TMTC4: variants seen among roughly 807,000 people sequenced by gnomAD.
TMTC4 encodes transmembrane O-mannosyltransferase targeting cadherins 4, also known as protein O-mannosyl-transferase TMTC4.
In TMTC4, 65 loss-of-function variants were observed where a neutral mutation model predicts 86.0. The observed-to-expected ratio is 0.76, with a 90% CI of 0.62 to 0.93. The LOEUF is 0.93. Ranked by LOEUF, TMTC4 falls within the 40% of genes least tolerant of loss-of-function variation. The probability of loss-of-function intolerance (pLI) is 0.00; values close to 1 mark genes in which losing one functional copy is unlikely to be tolerated. For synonymous variants in TMTC4, 379 were observed against 382.5 expected (o/e 0.99, Z 0.11); for missense variants, 866 against 948.1 (o/e 0.91, Z 1.14).
intron 4 of TMTC4, 73 bp downstream of exon 4, chr13:100,664,148 G>GACACACACCTGTATCCAATGTC: frequency 7.6e-7 from 1 of 1,321,622 alleles, no homozygotes; most frequent in Non-Finnish European, 1.0e-6. Context: ...AGAACCTGGT[G>GACACACACCTGTATCCAATGTC]ACACACACCT....
chr13:100,664,815 TAC>T (rs1886213110), intron 3 of TMTC4, among the ~76,000 whole-genome samples: 1 of 152,196 alleles, frequency 6.6e-6, no homozygotes, highest in Non-Finnish European at 1.5e-5. Context: ...CCTGGCAACT[TAC>T]AGTCACATGA....
intron 12 of TMTC4, among the ~76,000 whole-genome samples, chr13:100,629,807 T>A (rs7317506): frequency 0.18 from 27,454 of 151,984 alleles, 2,526 homozygotes; most frequent in East Asian, 0.23. Context: ...CAGTCCAGTA[T>A]GAATGGCGTC....
chr13:100,653,317 T>A (rs1884679018), intron 6 of TMTC4, among the ~76,000 whole-genome samples: 1 of 152,170 alleles, frequency 6.6e-6, no homozygotes, highest in Non-Finnish European at 1.5e-5. Flanking sequence ...CCAGCAGACT[T>A]CACTAGCCCC....
At chr13:100,673,647 T>C (rs918856009) in intron 1 of TMTC4, among the ~76,000 whole-genome samples, 1 of 152,234 alleles carries the variant, frequency 6.6e-6, no homozygotes, top group African/African-American at 2.4e-5. Context: ...ATCGTCCTGC[T>C]GTGACGGCCT....
At chr13:100,663,431 G>A (rs143082699) in intron 4 of TMTC4, among the ~76,000 whole-genome samples, 56 of 152,322 alleles carry the variant, frequency 3.7e-4, no homozygotes, top group Middle Eastern at 3.4e-3. Context: ...TGGCGCTGAA[G>A]CAACTTGCAG....
chr13:100,664,272 C>T lies in TMTC4; in HGVS notation c.284G>A (p.Ser95Asn). 6.2e-7 allele frequency: 1 copy of T among 1,612,446 alleles called. No individual in the cohort carries two copies. The highest frequency in any genetic ancestry group is 8.5e-7 in the Non-Finnish European group (1 of 1,179,226). Residue 95 changes from serine (S) to asparagine (N), a missense_variant, in exon 4 of 19, where the codon AGC becomes AAC. Transcript: ENST00000342624. ...WHHDFWGSRL[S>N]SNTSHKSYRP... ...GTAGGACTTGTGGCTGGTGTTGCTG[C>T]TCAGTCTACTGCCCCAGAAGTCATG... is the stretch of plus-strand genomic sequence containing the variant.
Position 100,656,479 on chromosome 13 carries a change from G to C in TMTC4, c.553-11C>G. On this transcript the variant is annotated splice_polypyrimidine_tract_variant and intron_variant, in intron 5 of 18. Coordinates refer to ENST00000342624, the MANE Select transcript of TMTC4 (RefSeq NM_032813.5). ...GACAACACCAGCAACCTTAAAAAAG[G>C]GGGAAGAAAACAAAGAATTACATAA... is the stretch of plus-strand genomic sequence containing the variant. The C allele has an allele frequency of 6.3e-7, 1 of 1,575,906 alleles. No homozygotes were observed. Among genetic ancestry groups the C allele is most frequent in the East Asian group, 2.3e-5 (1 of 43,572 alleles).
intron 6 of TMTC4, among the ~76,000 whole-genome samples, chr13:100,655,545 T>G (rs1765730): frequency 0.71 from 108,316 of 151,808 alleles, 39,678 homozygotes; most frequent in East Asian, 0.99. Context: ...GCCGGCCAAT[T>G]CAACCTCGCC....
chr13:100,642,742 G>C (rs1883194453), intron 6 of TMTC4, among the ~76,000 whole-genome samples: 1 of 152,202 alleles, frequency 6.6e-6, no homozygotes, highest in South Asian at 2.1e-4. Context: ...GAGCTGCTGG[G>C]AATGCCTCTG....
At chr13:100,664,649 G>A (rs1005466142) in intron 3 of TMTC4, among the ~76,000 whole-genome samples, 17 of 152,096 alleles carry the variant, frequency 1.1e-4, no homozygotes, top group South Asian at 2.1e-4. Flanking sequence ...GGCTCTGCAC[G>A]TGCGGGTCAC....
intron 12 of TMTC4, among the ~76,000 whole-genome samples, chr13:100,633,525 T>A (rs915616002): frequency 2.0e-5 from 3 of 152,064 alleles, no homozygotes; most frequent in Non-Finnish European, 4.4e-5. Context: ...CTTGGATTCA[T>A]CAAGAATACA....
At chr13:100,622,877 C>T (rs183729997) in intron 15 of TMTC4, among the ~76,000 whole-genome samples, 41 of 152,230 alleles carry the variant, frequency 2.7e-4, no homozygotes, top group East Asian at 1.5e-3. Flanking sequence ...TACTCGTCCA[C>T]GTAAAGGGAC....
intron 15 of TMTC4, among the ~76,000 whole-genome samples, chr13:100,621,650 C>T (rs191775490): frequency 8.9e-4 from 136 of 152,316 alleles, no homozygotes; most frequent in Middle Eastern, 3.4e-3. Flanking sequence ...TGGTCTCGAT[C>T]TCCTGACCTT....
At chr13:100,608,613 G>A (rs192837797) in intron 17 of TMTC4, among the ~76,000 whole-genome samples, 2 of 152,244 alleles carry the variant, frequency 1.3e-5, no homozygotes, top group African/African-American at 4.8e-5. Context: ...TCTTTAGAAC[G>A]CAGCATCTGT....
At chr13:100,647,385 C>T (rs1056964237) in intron 6 of TMTC4, among the ~76,000 whole-genome samples, 3 of 152,198 alleles carry the variant, frequency 2.0e-5, no homozygotes, top group African/African-American at 7.2e-5. Context: ...AGCTCCATAG[C>T]TCACTAGAAA....
At chr13:100,608,754 A>G (rs1877062349) in intron 17 of TMTC4, among the ~76,000 whole-genome samples, 1 of 152,212 alleles carries the variant, frequency 6.6e-6, no homozygotes, top group Admixed American at 6.5e-5. Context: ...CCAGGCAATG[A>G]GCCAATTTAA....
At chr13:100,674,673 C>A in intron 1 of TMTC4, 71 bp downstream of exon 1, 1 of 983,008 alleles carries the variant, frequency 1.0e-6, no homozygotes, top group South Asian at 4.7e-5. Flanking sequence ...GGGGAACCCG[C>A]GCCCGCTCCG....
rs557008426 is a variant in TMTC4 at position 100,646,807 on chromosome 13, CA to C, written c.641-4497del. Among the ~76,000 whole-genome samples the C allele has an allele frequency of 4.3e-3, 652 of 152,302 alleles. 7 individuals carry two copies. The highest frequency in any genetic ancestry group is 0.015 in the African/African-American group (634 of 41,570). On this transcript the variant is annotated intron_variant, in intron 6 of 18. Coordinates refer to ENST00000342624, the MANE Select transcript of TMTC4 (RefSeq NM_032813.5). ...GTCAAAAGATCACAATAAGGAGCCA[CA>C]ACAACAACAAAACCCTGTTAAATTA...
chr13:100,643,014 G>A (rs1022694502), intron 6 of TMTC4, among the ~76,000 whole-genome samples: 2 of 152,140 alleles, frequency 1.3e-5, no homozygotes, highest in African/African-American at 4.8e-5. Context: ...AGCTCAGGTG[G>A]GTGGCAGCTC....
Sources: allele counts gnomAD v4.1 joint callset (sites outside exome capture counted in the v4.1 genomes callset), GRCh38; gene constraint gnomAD v4.1.1; transcripts MANE v1.5; gene names NCBI Gene and HGNC (gene_info 2026-07-23, HGNC 2026-07-21).